Variants in NOS1 observed in about 807,000 individuals in gnomAD.
NOS1 encodes the protein NOS type I.
A neutral mutation model predicts 164.5 loss-of-function variants in NOS1; 51 were observed. The observed-to-expected ratio is 0.31, with a 90% CI of 0.25 to 0.39. The LOEUF (loss-of-function observed/expected upper bound fraction) is 0.39, where lower values mean the gene tolerates loss of function less well. Ranked by LOEUF, NOS1 falls within the 10% of genes least tolerant of loss-of-function variation. NOS1 has a pLI of 1.00. For synonymous variants in NOS1, 719 were observed against 745.8 expected (o/e 0.96, Z 0.59); for missense variants, 1,362 against 1,885.6 (o/e 0.72, Z 5.14).
intron 14 of NOS1, among the ~76,000 whole-genome samples, chr12:117,260,012 G>A (rs1300688140): frequency 6.6e-6 from 1 of 151,934 alleles, no homozygotes; most frequent in South Asian, 2.1e-4. Flanking sequence ...CCAGCTACTC[G>A]GGAGGCTGAG....
Position 117,220,096 on chromosome 12 carries a change from G to A in NOS1, c.4149C>T (p.Gly1383=), listed in dbSNP as rs760907926. Residue 1383 remains glycine, a synonymous_variant, in exon 27 of 29, where the codon GGC becomes GGT. Transcript: ENST00000317775. The part of the protein sequence containing the change: ...QQGKLSAEDA[G]VFISRMRDDN... Reference sequence around the variant, plus strand: ...TCACCCTCATCCGGCTGATGAATACGCCGGCGTCCTCTGCCGAGAGCTTCC... The same window carrying A: ...TCACCCTCATCCGGCTGATGAATACACCGGCGTCCTCTGCCGAGAGCTTCC... 1.4e-5 allele frequency: 22 copies of A among 1,611,080 alleles called. No individual in the cohort carries two copies. In the African/African-American group the frequency reaches 1.5e-4, roughly 11 times the overall value.
chr12:117,316,990 C>T (rs1238942682), intron 2 of NOS1, among the ~76,000 whole-genome samples: 2 of 152,166 alleles, frequency 1.3e-5, no homozygotes, highest in African/African-American at 2.4e-5. Context: ...AAGCAATTCT[C>T]CTGCCTCAGC....
rs1035161814 is a variant in NOS1 at position 117,233,810 on chromosome 12, A to G, written c.3235+755T>C. Among the ~76,000 whole-genome samples, 657 of 118,404 alleles carry G rather than the reference A, an allele frequency of 5.5e-3. 3 individuals carry two copies. The highest frequency in any genetic ancestry group is 0.019 in the African/African-American group (626 of 33,574). 77.7% of individuals were successfully genotyped at this position (118,404 alleles called of 152,430 possible). On this transcript the variant is annotated intron_variant, in intron 21 of 28. Coordinates refer to ENST00000317775, the MANE Select transcript of NOS1 (RefSeq NM_000620.5). ...GCAACAAGAGCAAAAGTCTGTCTCAAAAAAAAAAAAAAAAAAAAAAAGAGG... is the reference window on the plus strand; with the variant it reads ...GCAACAAGAGCAAAAGTCTGTCTCAGAAAAAAAAAAAAAAAAAAAAAGAGG...
chr12:117,266,790 G>A (rs994435102), intron 11 of NOS1, among the ~76,000 whole-genome samples: 9 of 151,770 alleles, frequency 5.9e-5, no homozygotes, highest in Non-Finnish European at 1.0e-4. Flanking sequence ...CACCCTCCTC[G>A]ACCTCCCAAA....
chr12:117,300,159 G>T (rs941691050), intron 3 of NOS1, among the ~76,000 whole-genome samples: 1 of 152,132 alleles, frequency 6.6e-6, no homozygotes, highest in Non-Finnish European at 1.5e-5. Context: ...TCTGTTTGGT[G>T]GGAGGTTGGT....
Position 117,258,503 on chromosome 12 carries a change from G to C in NOS1, c.2473-48C>G. Reference sequence around the variant, plus strand: ...GAAATTAGCACATCTTAGTAAATGGGAAATCAGGTCGGATACTGAGGGTCT... The same window carrying C: ...GAAATTAGCACATCTTAGTAAATGGCAAATCAGGTCGGATACTGAGGGTCT... On this transcript the variant is annotated intron_variant, in intron 15 of 28. Transcript: ENST00000317775. The C allele has an allele frequency of 1.9e-6, 3 of 1,592,024 alleles. No individual in the cohort carries two copies. The South Asian group carries it at 3.3e-5, about 18-fold the overall frequency.
intron 3 of NOS1, among the ~76,000 whole-genome samples, chr12:117,303,827 T>C (rs1027754158): frequency 6.6e-6 from 1 of 152,192 alleles, no homozygotes; most frequent in Non-Finnish European, 1.5e-5. Flanking sequence ...CAGGTCCTCA[T>C]GTTGTTTATC....
chr12:117,294,884 T>C (rs733334), intron 3 of NOS1, among the ~76,000 whole-genome samples: 78,508 of 151,896 alleles, frequency 0.52, 20,481 homozygotes, highest in South Asian at 0.66. Flanking sequence ...TCATGGGCAT[T>C]TTCATAGCCT....
chr12:117,290,573 C>T, intron 3 of NOS1, 147 bp from the exon 4 acceptor site: 1 of 1,001,112 alleles, frequency 1.0e-6, no homozygotes, highest in Non-Finnish European at 1.4e-6. Flanking sequence ...TCCAGCCCTT[C>T]CTGCTTGACA....
At position 117,213,674 on chromosome 12, in the gene NOS1, A is replaced by T. The variant is rs79050955; in HGVS notation, c.*1635T>A. The T allele has an allele frequency of 2.3e-3, 2,257 of 985,446 alleles. 41 individuals are homozygous for T. The African/African-American group carries it at 0.036, about 16-fold the overall frequency. The allele number at this position is 985,446 out of a possible 1,614,324, so 61.0% of individuals were successfully genotyped here. On this transcript the variant is annotated 3_prime_UTR_variant, in exon 29 of 29. Coordinates refer to ENST00000317775, the MANE Select transcript of NOS1 (RefSeq NM_000620.5). ...ACTGAACAACAAGATATGCCCACGT[A>T]CAGTATATAAAAGAAATGTGGTTTT...
chr12:117,344,188 G>A (rs556638993), intron 1 of NOS1, among the ~76,000 whole-genome samples: 1 of 152,302 alleles, frequency 6.6e-6, no homozygotes, highest in South Asian at 2.1e-4. Context: ...GTATACATTT[G>A]CTGGCCACAT....
chr12:117,209,574 C>T lies in NOS1; in HGVS notation c.*5735G>A. 2 of 985,500 alleles carry T rather than the reference C, an allele frequency of 2.0e-6. No individual in the cohort carries two copies. Among genetic ancestry groups the T allele is most frequent in the Non-Finnish European group, 2.4e-6 (2 of 829,948 alleles). The allele number at this position is 985,500 out of a possible 1,614,324, so 61.0% of individuals were successfully genotyped here. A position where few individuals can be genotyped will look rare whatever the true frequency, so the allele number is the denominator to read the frequency against. ...TGTGTTTTGGGCCAGACGGGCATAG[C>T]CCCGCTTGACCAGAACTGTTTGGGT... On this transcript the variant is annotated 3_prime_UTR_variant, in exon 29 of 29. Transcript: ENST00000317775.
Position 117,352,176 on chromosome 12 carries a change from A to AATACATACATAC in NOS1, c.-421+9324_-421+9335dup, listed in dbSNP as rs71444621. Among the ~76,000 whole-genome samples the AATACATACATAC allele has an allele frequency of 2.3e-3, 342 of 149,222 alleles. 1 individual carries two copies. The highest frequency in any genetic ancestry group is 0.014 in the East Asian group (71 of 4,968). ...TGACAGAGTAAGACGCTGTCTCAGA[A>AATACATACATAC]ATACATACATACATACATACATACA... On this transcript the variant is annotated intron_variant, in intron 1 of 28. Transcript: ENST00000317775.
chr12:117,247,944 TAA>T (rs534303027), intron 17 of NOS1, among the ~76,000 whole-genome samples: 12 of 118,146 alleles, frequency 1.0e-4, no homozygotes, highest in East Asian at 2.3e-4. Context: ...AGACTCCGTC[TAA>T]AAAAAAAAAA....
intron 2 of NOS1, among the ~76,000 whole-genome samples, chr12:117,321,742 G>C (rs1287117110): frequency 6.6e-6 from 1 of 152,118 alleles, no homozygotes; most frequent in Non-Finnish European, 1.5e-5. Flanking sequence ...GTGTGGTCTG[G>C]GAGGAGTGCT....
At chr12:117,346,271 GA>G (rs1216756183) in intron 1 of NOS1, among the ~76,000 whole-genome samples, 2 of 152,180 alleles carry the variant, frequency 1.3e-5, no homozygotes, top group Admixed American at 6.5e-5. Flanking sequence ...AGGAGTTTGA[GA>G]CCAGTCTGGC....
chr12:117,333,404 C>G (rs1875642504), intron 1 of NOS1, among the ~76,000 whole-genome samples: 1 of 152,144 alleles, frequency 6.6e-6, no homozygotes, highest in African/African-American at 2.4e-5. Context: ...CCTCATTTCC[C>G]TTTTAGCGAC....
intron 27 of NOS1, among the ~76,000 whole-genome samples, chr12:117,219,535 G>A (rs1163749819): frequency 6.6e-6 from 1 of 152,054 alleles, no homozygotes; most frequent in East Asian, 1.9e-4. Context: ...TTGAACTCCT[G>A]ACCTTAGGTG....
In NOS1 at chr12:117,330,347, G is replaced by A; in HGVS notation, c.723C>T (p.Asp241=). The change falls in exon 2 of 29, where the codon GAC becomes GAT. Residue 241 remains aspartate, a splice_region_variant and synonymous_variant. Transcript: ENST00000317775. This position sits in a 1 kb window ranked among gnomAD's most constrained non-coding sequence, Gnocchi z 4.6. ...ACACACACCCCTGTGGAGCTTACCTGTCCACCTGGATTCCCATATCTTTCA... is the reference window on the plus strand; with the variant it reads ...ACACACACCCCTGTGGAGCTTACCTATCCACCTGGATTCCCATATCTTTCA... ...AEMKDMGIQV[D]RDLDGKSHKP... is the part of the protein sequence containing the mutation. 2 of 1,608,814 alleles carry A rather than the reference G, an allele frequency of 1.2e-6. No individual in the cohort carries two copies. The highest frequency in any genetic ancestry group is 1.7e-6 in the Non-Finnish European group (2 of 1,177,442).
Sources: allele counts gnomAD v4.1 joint callset (sites outside exome capture counted in the v4.1 genomes callset), GRCh38; gene constraint gnomAD v4.1.1; non-coding constraint Gnocchi (gnomAD v3.1); transcripts MANE v1.5; gene names NCBI Gene and HGNC (gene_info 2026-07-23, HGNC 2026-07-21).